CPNE2: variants seen among roughly 807,000 people sequenced by gnomAD.
The protein encoded by CPNE2 is copine-2.
A neutral mutation model predicts 69.7 loss-of-function variants in CPNE2; 42 were observed. The ratio of observed to expected loss-of-function variants is 0.60; its 90% CI spans 0.47 to 0.78. CPNE2 has a LOEUF of 0.78. Among genes scored for constraint, CPNE2 ranks in the 30% least tolerant of loss-of-function variants. The pLI is 0.00. For synonymous variants in CPNE2, 294 were observed against 289.8 expected, an observed-to-expected ratio of 1.01 and a Z score of -0.15; for missense variants, 587 against 732.0, an observed-to-expected ratio of 0.80 and a Z score of 2.29.
At chr16:57,119,366 G>T in intron 6 of CPNE2, 88 bp downstream of exon 6, 1 of 1,390,628 alleles carries the variant, frequency 7.2e-7, no homozygotes, top group Non-Finnish European at 1.0e-6. Flanking sequence ...TGCGGTCACA[G>T]CCGCTCAGTG....
intron 2 of CPNE2, among the ~76,000 whole-genome samples, chr16:57,111,141 A>G (rs1186374286): frequency 6.6e-6 from 1 of 151,456 alleles, no homozygotes; most frequent in African/African-American, 2.4e-5. Context: ...ATTAAAATCT[A>G]TAGATTTATA....
chr16:57,113,491 G>C (rs769739347), intron 3 of CPNE2, 24 bp downstream of exon 3: 4 of 1,605,456 alleles, frequency 2.5e-6, no homozygotes, highest in Admixed American at 1.7e-5. Flanking sequence ...TCCTGGGTGG[G>C]AGCAGGGGCC....
At chr16:57,114,410 C>A (rs1278058407) in intron 3 of CPNE2, among the ~76,000 whole-genome samples, 1 of 152,044 alleles carries the variant, frequency 6.6e-6, no homozygotes, top group Admixed American at 6.5e-5. Context: ...AGGCAGAAGA[C>A]AGAGTAATGG....
intron 11 of CPNE2, 132 bp from the exon 12 acceptor site, chr16:57,127,717 T>G: frequency 4.6e-6 from 4 of 874,824 alleles, no homozygotes; most frequent in Non-Finnish European, 5.5e-6. Context: ...CCTAACAGCT[T>G]TTTCTAGAGG....
chr16:57,116,861 G>C (rs1270497388), intron 4 of CPNE2, among the ~76,000 whole-genome samples: 2 of 152,156 alleles, frequency 1.3e-5, no homozygotes, highest in Non-Finnish European at 2.9e-5. Context: ...GGAGGCCCCA[G>C]CGAAAGGCCC....
chr16:57,120,439 C>CAA (rs11297488), intron 7 of CPNE2, among the ~76,000 whole-genome samples: 147 of 137,610 alleles, frequency 1.1e-3, no homozygotes, highest in African/African-American at 3.9e-3. Flanking sequence ...GAGACCGTCT[C>CAA]AAAAAAAAAA....
In CPNE2 at chr16:57,146,282, C is replaced by A. The variant is rs147199019; in HGVS notation, c.1500C>A (p.Arg500=). Reference sequence around the variant, plus strand: ...CCCACACGGGGGAGGAGGCAGCCCGCGATATTGTGCAGTTCGTTCCCTTTC... The same window carrying A: ...CCCACACGGGGGAGGAGGCAGCCCGAGATATTGTGCAGTTCGTTCCCTTTC... ...LRSHTGEEAA[R]DIVQFVPFRE... Residue 500 remains arginine (R), a synonymous_variant, in exon 15 of 16, where the codon CGC becomes CGA. Coordinates refer to ENST00000290776, the MANE Select transcript of CPNE2 (RefSeq NM_152727.6). This position sits in a 1 kb window ranked among gnomAD's most constrained non-coding sequence, Gnocchi z 4.4. The A allele has an allele frequency of 7.1e-6, 11 of 1,555,234 alleles. No homozygotes were observed. The South Asian group carries it at 1.2e-4, about 17-fold the overall frequency.
intron 14 of CPNE2, among the ~76,000 whole-genome samples, chr16:57,138,979 A>G (rs1056081458): frequency 2.4e-4 from 36 of 152,356 alleles, no homozygotes; most frequent in African/African-American, 8.4e-4. Context: ...GCAACTGCCC[A>G]GTGGGTTCAC....
At chr16:57,118,648 AGATGGATGGATGGATG>A (rs3054318) in intron 5 of CPNE2, among the ~76,000 whole-genome samples, 4 of 141,778 alleles carry the variant, frequency 2.8e-5, no homozygotes, top group South Asian at 2.4e-4. Flanking sequence ...GAGACCCCAT[AGATGGATGGATGGATG>A]GATGGATGGA....
intron 12 of CPNE2, among the ~76,000 whole-genome samples, chr16:57,131,991 G>A (rs2069841786): frequency 6.6e-6 from 1 of 152,192 alleles, no homozygotes; most frequent in African/African-American, 2.4e-5. Context: ...GTGATTGCCT[G>A]GGGAAGGCAC....
chr16:57,093,283 G>A (rs1394257699), intron 1 of CPNE2, among the ~76,000 whole-genome samples: 1 of 151,916 alleles, frequency 6.6e-6, no homozygotes, highest in Non-Finnish European at 1.5e-5. Flanking sequence ...CCCCGGTACT[G>A]GGAGCGCAGA....
chr16:57,147,807 A>G lies in CPNE2; in HGVS notation c.*149A>G. The G allele has an allele frequency of 2.1e-6, 1 of 479,216 alleles. No homozygotes were observed. The highest frequency in any genetic ancestry group is 3.3e-5 in the East Asian group (1 of 30,240). 29.7% of individuals were successfully genotyped at this position (479,216 alleles called of 1,614,324 possible). On this transcript the variant is annotated 3_prime_UTR_variant, in exon 16 of 16. Coordinates refer to ENST00000290776, the MANE Select transcript of CPNE2 (RefSeq NM_152727.6). ...CGGACCTCCACCCCCAACTTCCTCC[A>G]GCCCAGCTGGGCTTCCTTTGTTGGA...
At chr16:57,145,768 A>C in intron 14 of CPNE2, 1 of 385,432 alleles carries the variant, frequency 2.6e-6, no homozygotes, top group Non-Finnish European at 4.8e-6. Flanking sequence ...GTCCCACAGT[A>C]TAGCAACTGG....
intron 9 of CPNE2, 147 bp from the exon 10 acceptor site, chr16:57,123,267 T>G: frequency 7.9e-6 from 6 of 760,528 alleles, no homozygotes; most frequent in Non-Finnish European, 1.1e-5. Flanking sequence ...TATAGAGAGA[T>G]TTGGGTTTTG....
rs536960190 is a variant in CPNE2 at position 57,147,456 on chromosome 16, G to A, written c.1540-95G>A. ...CTAATTTTGTCCTCAATGGACACCT[G>A]CTGTAGCAGCCCTCTGGGCATAGTG... On this transcript the variant is annotated intron_variant, in intron 15 of 15. Transcript: ENST00000290776. 1.3e-4 allele frequency: 116 copies of A among 861,916 alleles called. 1 individual carries two copies. The African/African-American group carries it at 1.9e-3, about 14-fold the overall frequency. The allele number at this position is 861,916 out of a possible 1,614,324, so 53.4% of individuals were successfully genotyped here.
At position 57,130,332 on chromosome 16, in the gene CPNE2, C is replaced by G. The variant is rs1422682299; in HGVS notation, c.1116+2429C>G. Among the ~76,000 whole-genome samples the G allele has an allele frequency of 6.6e-6, 1 of 151,822 alleles. No homozygotes were observed. The highest frequency in any genetic ancestry group is 1.5e-5 in the Non-Finnish European group (1 of 67,940). ...GAGCTATGAGTGCACTGCACTCCAG[C>G]CTGGGTGACAGAGTGAGACTCTGTC... On this transcript the variant is annotated intron_variant, in intron 12 of 15. Transcript: ENST00000290776. This position sits in a 1 kb window ranked among gnomAD's most constrained non-coding sequence, Gnocchi z 4.1.
At chr16:57,124,579 A>T (rs577380470) in intron 10 of CPNE2, 2 of 334,714 alleles carry the variant, frequency 6.0e-6, no homozygotes, top group Admixed American at 3.7e-5. Flanking sequence ...TCGTTGGAAG[A>T]ATGAACTGCC....
intron 1 of CPNE2, chr16:57,093,841 G>A (rs7192172): frequency 0.12 from 40,246 of 337,100 alleles, 2,747 homozygotes; most frequent in East Asian, 0.24. Flanking sequence ...GGAGCCCATG[G>A]TTTTCAGGAA....
Position 57,113,312 on chromosome 16 carries a change from A to G in CPNE2, c.205A>G (p.Asn69Asp). The G allele has an allele frequency of 6.2e-7, 1 of 1,614,106 alleles. No homozygotes were observed. The highest frequency in any genetic ancestry group is 8.5e-7 in the Non-Finnish European group (1 of 1,179,966). ...IEYDRTETAI[N>D]NLNPAFSKKF... is the part of the protein sequence containing the mutation. ...GTACGACAGGACAGAAACCGCGATC[A>G]ACAACCTCAACCCCGCCTTCTCCAA... Residue 69 changes from asparagine (N) to aspartate (D), a missense_variant, in exon 3 of 16, where the codon AAC (asparagine) becomes GAC (aspartate). Around this residue, in one of 5 missense-constraint regions of CPNE2, gnomAD observed 96 missense variants for 94.9 expected, o/e 1.01. Transcript: ENST00000290776.
Sources: gnomAD v4.1 joint callset for allele counts (sites outside exome capture counted in the v4.1 genomes callset) on GRCh38, gnomAD v4.1.1 for gene constraint, gnomAD v4.1.1 regional missense constraint, Gnocchi (gnomAD v3.1) non-coding constraint, MANE v1.5 for transcripts, NCBI Gene and HGNC (gene_info 2026-07-23, HGNC 2026-07-21) for gene names.